The following SHROOM2 variants were observed in gnomAD, a reference collection of about 807,000 sequenced individuals.
SHROOM2 encodes the protein shroom family member 2, also known as protein Shroom2.
A neutral mutation model predicts 75.9 loss-of-function variants in SHROOM2; 33 were observed. The ratio of observed to expected loss-of-function variants is 0.43; its 90% CI spans 0.33 to 0.58. The LOEUF (loss-of-function observed/expected upper bound fraction) is 0.58, where lower values mean the gene tolerates loss of function less well. Among genes scored for constraint, SHROOM2 ranks in the 20% least tolerant of loss-of-function variants. SHROOM2 has a pLI of 0.04. For synonymous variants in SHROOM2, 655 were observed against 663.6 expected (o/e 0.99, Z 0.20); for missense variants, 1,434 against 1,461.2 (o/e 0.98, Z 0.30).
intron 1 of SHROOM2, among the ~76,000 whole-genome samples, chrX:9,840,449 TGTCGAGACGGAGTTTCACCATGTTGCC>T (rs2083973693): frequency 9.0e-6 from 1 of 111,175 alleles, no homozygotes; most frequent in Non-Finnish European, 1.9e-5. Context: ...TGTATTTTGT[TGTCGAGACGGAGTTTCACCATGTTGCC>T]CAGGCTGATC....
At chrX:9,846,485 C>A (rs1033823770) in intron 1 of SHROOM2, among the ~76,000 whole-genome samples, 1 of 111,061 alleles carries the variant, frequency 9.0e-6, no homozygotes, top group Non-Finnish European at 1.9e-5. Context: ...TTAGTAGAGA[C>A]GGCGTTTCAC....
intron 1 of SHROOM2, among the ~76,000 whole-genome samples, chrX:9,789,315 G>T (rs926609645): frequency 9.0e-6 from 1 of 111,284 alleles, no homozygotes; most frequent in Admixed American, 9.6e-5. Flanking sequence ...TTGGAATTTG[G>T]GGTGCATGCA....
Position 9,937,302 on chromosome X carries a change from A to G in SHROOM2, c.3756A>G (p.Thr1252=), listed in dbSNP as rs2073945. 0.047 allele frequency: 56,539 copies of G among 1,207,544 alleles called. 7,476 individuals carry two copies. The African/African-American group carries it at 0.5, about 11-fold the overall frequency. Residue 1252 remains threonine, a synonymous_variant, in exon 7 of 10, where the codon ACA becomes ACG. Coordinates refer to ENST00000380913, the MANE Select transcript of SHROOM2 (RefSeq NM_001649.4). ...LEKDQIKTLS[T]SEQFYSRFCL... is the part of the protein sequence containing the mutation. ...AAGACCAGATCAAGACGCTGAGCAC[A>G]TCTGAGCAGTTCTACTCGCGCTTCT...
At chrX:9,866,803 G>C (rs951271213) in intron 1 of SHROOM2, among the ~76,000 whole-genome samples, 1 of 100,177 alleles carries the variant, frequency 1.0e-5, no homozygotes, top group Admixed American at 1.1e-4. Context: ...TCCAGGGCGG[G>C]GTCCTCGTCT....
chrX:9,819,038 T>C, intron 1 of SHROOM2: 1 of 1,116,654 alleles, frequency 9.0e-7, no homozygotes, highest in Non-Finnish European at 1.2e-6. Context: ...TTTCCTTTTC[T>C]TTCTTTCCTG....
chrX:9,871,574 G>C (rs1450702813), intron 1 of SHROOM2, among the ~76,000 whole-genome samples: 1 of 112,320 alleles, frequency 8.9e-6, no homozygotes, highest in Non-Finnish European at 1.9e-5. Flanking sequence ...AAATCGTCTA[G>C]AACTTTTGAA....
rs144110998 is a variant in SHROOM2 at position 9,896,482 on chromosome X, G to A, written c.2574G>A (p.Ala858=). ...ACAGCCTCAACGCTCACAGCGCAGCGGAGAAGGCAGGGACTTCAGACCTGC... is the reference window on the plus strand; with the variant it reads ...ACAGCCTCAACGCTCACAGCGCAGCAGAGAAGGCAGGGACTTCAGACCTGC... The part of the protein sequence containing the change: ...LGDSLNAHSA[A]EKAGTSDLPR... Residue 858 remains alanine (A), a synonymous_variant, in exon 4 of 10, where the codon GCG becomes GCA. Coordinates refer to ENST00000380913, the MANE Select transcript of SHROOM2 (RefSeq NM_001649.4). 6.6e-4 allele frequency: 797 copies of A among 1,209,118 alleles called. No individual in the cohort carries two copies. Among genetic ancestry groups the A allele is most frequent in the Non-Finnish European group, 8.4e-4 (748 of 894,442 alleles).
rs1457009377 is a variant in SHROOM2 at position 9,939,371 on chromosome X, G to A, written c.4311+5G>A. The A allele has an allele frequency of 5.0e-6, 6 of 1,194,763 alleles. No homozygotes were observed. In the Admixed American group the frequency reaches 9.0e-5, roughly 18 times the overall value. On this transcript the variant is annotated splice_donor_5th_base_variant and intron_variant, in intron 8 of 9. Coordinates refer to ENST00000380913, the MANE Select transcript of SHROOM2 (RefSeq NM_001649.4). ...CACGACCTGTCGGTGAAGAAGGTAG[G>A]AGAGTCCATTCCAAATGACAGCGTG...
At chrX:9,823,167 C>CTTCTT (rs1569142279) in intron 1 of SHROOM2, among the ~76,000 whole-genome samples, 28 of 28,570 alleles carry the variant, frequency 9.8e-4, no homozygotes, top group African/African-American at 3.0e-3. Flanking sequence ...TTCTTCTTTT[C>CTTCTT]TTCTTCTTCT....
rs771032165 is a variant in SHROOM2, at chrX:9,828,812, A to G, written c.165+42102A>G. Reference sequence around the variant, plus strand: ...ATCTGTCTCTTCATCCACACATACAATTTTACGAATGGCAAAGCAACGGTT... The same window carrying G: ...ATCTGTCTCTTCATCCACACATACAGTTTTACGAATGGCAAAGCAACGGTT... On this transcript the variant is annotated intron_variant, in intron 1 of 9. Transcript: ENST00000380913. 7.2e-5 allele frequency among the ~76,000 whole-genome samples: 8 copies of G among 111,121 alleles called. No individual in the cohort carries two copies. In the East Asian group the frequency reaches 1.4e-3, roughly 20 times the overall value.
intron 1 of SHROOM2, among the ~76,000 whole-genome samples, chrX:9,809,967 C>T (rs751313556): frequency 3.6e-5 from 4 of 112,578 alleles, no homozygotes; most frequent in African/African-American, 1.3e-4. Flanking sequence ...TGAGTCACTG[C>T]GCCCAGCCTG....
chrX:9,843,675 A>G (rs2083991282), intron 1 of SHROOM2, among the ~76,000 whole-genome samples: 1 of 112,746 alleles, frequency 8.9e-6, no homozygotes, highest in African/African-American at 3.2e-5. Context: ...TGCTGGGATT[A>G]CAGGCGTGAG....
chrX:9,822,832 C>T (rs955005981), intron 1 of SHROOM2, among the ~76,000 whole-genome samples: 3 of 111,642 alleles, frequency 2.7e-5, no homozygotes, highest in African/African-American at 9.8e-5. Flanking sequence ...TCAGTGCCTC[C>T]GGGCAGGAGC....
At chrX:9,942,564 G>A (rs1400453427) in intron 8 of SHROOM2, among the ~76,000 whole-genome samples, 1 of 111,775 alleles carries the variant, frequency 8.9e-6, no homozygotes, top group Non-Finnish European at 1.9e-5. Flanking sequence ...CAGAACTCAG[G>A]GAAACATTTA....
At chrX:9,837,246 A>G (rs762824095) in intron 1 of SHROOM2, among the ~76,000 whole-genome samples, 80 of 112,762 alleles carry the variant, frequency 7.1e-4, no homozygotes, top group Non-Finnish European at 2.1e-4. Context: ...GGCTGGTCGC[A>G]TAAGTCCTTA....
At chrX:9,879,532 A>T (rs1175682743) in intron 2 of SHROOM2, among the ~76,000 whole-genome samples, 1 of 112,602 alleles carries the variant, frequency 8.9e-6, no homozygotes, top group East Asian at 2.8e-4. Context: ...AAGTGCTGGG[A>T]TTACAGGCGT....
At chrX:9,864,537 G>C (rs1354426515) in intron 1 of SHROOM2, among the ~76,000 whole-genome samples, 2 of 111,295 alleles carry the variant, frequency 1.8e-5, no homozygotes, top group African/African-American at 6.5e-5. Flanking sequence ...AAAATAAATA[G>C]GCCGGGCGCG....
rs550239150 is a variant in SHROOM2 at position 9,921,045 on chromosome X, C to A, written c.2892-11130C>A. On this transcript the variant is annotated intron_variant, in intron 5 of 9. Coordinates refer to ENST00000380913, the MANE Select transcript of SHROOM2 (RefSeq NM_001649.4). Reference sequence around the variant, plus strand: ...CAGTCAACACGTGGGCCAGGACAGCCGTCTTCCAAAGGCTTGCTTGGAGCT... The same window carrying A: ...CAGTCAACACGTGGGCCAGGACAGCAGTCTTCCAAAGGCTTGCTTGGAGCT... Among the ~76,000 whole-genome samples, 5 of 111,755 alleles carry A rather than the reference C, an allele frequency of 4.5e-5. No homozygotes were observed. In the South Asian group the frequency reaches 1.9e-3, roughly 41 times the overall value.
At chrX:9,843,588 T>C (rs1333215846) in intron 1 of SHROOM2, among the ~76,000 whole-genome samples, 3 of 110,911 alleles carry the variant, frequency 2.7e-5, no homozygotes, top group African/African-American at 9.8e-5. Flanking sequence ...TTTAGTGGAG[T>C]TGGGGTTTAA....
Sources: allele counts gnomAD v4.1 joint callset (sites outside exome capture counted in the v4.1 genomes callset), GRCh38; gene constraint gnomAD v4.1.1; transcripts MANE v1.5; gene names NCBI Gene and HGNC (gene_info 2026-07-23, HGNC 2026-07-21).